Variants in KALRN observed in about 807,000 individuals in gnomAD.
KALRN encodes the protein kalirin.
In KALRN, 70 loss-of-function variants were observed where a neutral mutation model predicts 353.7. The ratio of observed to expected loss-of-function variants is 0.20; its 90% CI spans 0.16 to 0.24. The LOEUF is 0.24. KALRN is among the 10% of genes least tolerant of loss of function. The probability of loss-of-function intolerance (pLI) is 1.00; values close to 1 mark genes in which losing one functional copy is unlikely to be tolerated. For synonymous variants in KALRN, 1,391 were observed against 1,434.8 expected (o/e 0.97, Z 0.69); for missense variants, 2,791 against 3,756.7 (o/e 0.74, Z 6.72).
At position 124,623,164 on chromosome 3, in the gene KALRN, G is replaced by A. The variant is rs139994310; in HGVS notation, c.5183-9256G>A. ...TCTTTCCTTTTCTTTTCTTTGCTTTGCTTTTTTCTTTCATTCTGCTATGTT... is the reference window on the plus strand; with the variant it reads ...TCTTTCCTTTTCTTTTCTTTGCTTTACTTTTTTCTTTCATTCTGCTATGTT... On this transcript the variant is annotated intron_variant, in intron 34 of 59. Transcript: ENST00000682506. Among the ~76,000 whole-genome samples, 639 of 130,952 alleles carry A rather than the reference G, an allele frequency of 4.9e-3. 3 individuals are homozygous for A. The highest frequency in any genetic ancestry group is 0.017 in the African/African-American group (608 of 35,024). The allele number at this position is 130,952 out of a possible 152,430, so 85.9% of individuals were successfully genotyped here. A position where few individuals can be genotyped will look rare whatever the true frequency, so the allele number is the denominator to read the frequency against.
Position 124,458,688 on chromosome 3 carries a change from G to A in KALRN, c.3854+1960G>A, listed in dbSNP as rs541891104. Among the ~76,000 whole-genome samples the A allele has an allele frequency of 5.3e-5, 8 of 152,316 alleles. No homozygotes were observed. The South Asian group carries it at 1.7e-3, about 32-fold the overall frequency. On this transcript the variant is annotated intron_variant, in intron 23 of 59. Transcript: ENST00000682506. ...CAGTGGCTCATGCCTGTAACTTTGG[G>A]GGGCTGAGGTGGGCAGATCACCTTG...
intron 10 of KALRN, among the ~76,000 whole-genome samples, chr3:124,349,640 G>T (rs868154079): frequency 6.6e-6 from 1 of 151,966 alleles, no homozygotes; most frequent in African/African-American, 2.4e-5. Flanking sequence ...ACAACACTGT[G>T]AATGTACTTA....
intron 15 of KALRN, 30 bp downstream of exon 15, chr3:124,423,008 G>A: frequency 1.9e-6 from 3 of 1,606,838 alleles, no homozygotes; most frequent in Non-Finnish European, 2.6e-6. Flanking sequence ...CTTCAGCCTG[G>A]GTTTCTCAGC....
intron 10 of KALRN, among the ~76,000 whole-genome samples, chr3:124,350,211 C>G (rs570495108): frequency 6.6e-6 from 1 of 152,276 alleles, no homozygotes; most frequent in South Asian, 2.1e-4. Flanking sequence ...CCCATTTTTC[C>G]CAACTGTTCC....
At chr3:124,172,492 G>A (rs911457685) in intron 1 of KALRN, among the ~76,000 whole-genome samples, 1 of 152,162 alleles carries the variant, frequency 6.6e-6, no homozygotes, top group African/African-American at 2.4e-5. Context: ...TAGGACATGG[G>A]TGTAAGATTT....
chr3:124,059,215 C>T (rs371884505), intron 1 of KALRN, among the ~76,000 whole-genome samples: 15 of 152,148 alleles, frequency 9.9e-5, no homozygotes, highest in African/African-American at 3.6e-4. Flanking sequence ...TTAATAAGTA[C>T]TAATGTTCTA....
chr3:124,105,541 G>C (rs2062222963), intron 1 of KALRN, among the ~76,000 whole-genome samples: 1 of 152,124 alleles, frequency 6.6e-6, no homozygotes, highest in Non-Finnish European at 1.5e-5. Context: ...ATTCCTTAAG[G>C]GTAGGAGGAG....
intron 13 of KALRN, among the ~76,000 whole-genome samples, chr3:124,409,497 GGT>G (rs1267015862): frequency 6.6e-6 from 1 of 152,174 alleles, no homozygotes; most frequent in Non-Finnish European, 1.5e-5. Flanking sequence ...TCTGAAGGGT[GGT>G]CAGGGCTTAA....
intron 34 of KALRN, among the ~76,000 whole-genome samples, chr3:124,577,835 G>A (rs2074262720): frequency 2.0e-5 from 3 of 151,482 alleles, no homozygotes; most frequent in African/African-American, 7.3e-5. Flanking sequence ...ACTTCAGCCT[G>A]GATGACAGAG....
At chr3:124,244,983 T>A (rs1167277643) in intron 3 of KALRN, among the ~76,000 whole-genome samples, 1 of 152,200 alleles carries the variant, frequency 6.6e-6, no homozygotes, top group Non-Finnish European at 1.5e-5. Flanking sequence ...ATTTATCATT[T>A]TTTTTGTTGG....
At chr3:124,133,651 A>G (rs572816722) in intron 1 of KALRN, among the ~76,000 whole-genome samples, 60 of 152,302 alleles carry the variant, frequency 3.9e-4, no homozygotes, top group African/African-American at 1.4e-3. Flanking sequence ...CAAGTCCCCT[A>G]TCGTTCACAT....
intron 38 of KALRN, among the ~76,000 whole-genome samples, chr3:124,651,868 G>A (rs1185214702): frequency 6.6e-6 from 1 of 151,982 alleles, no homozygotes; most frequent in East Asian, 1.9e-4. Flanking sequence ...GGACTCCTAG[G>A]CTCAAGTAAT....
chr3:124,391,820 A>T (rs1482040446), intron 11 of KALRN, among the ~76,000 whole-genome samples: 1 of 152,128 alleles, frequency 6.6e-6, no homozygotes, highest in Non-Finnish European at 1.5e-5. Context: ...CTCTCTTTAC[A>T]TCTATTTTTC....
intron 1 of KALRN, chr3:124,162,996 C>T (rs1459128541): frequency 2.6e-5 from 4 of 152,254 alleles, no homozygotes; most frequent in Admixed American, 1.3e-4. Context: ...GCAGCATCCT[C>T]ACCAGGACCA....
intron 2 of KALRN, among the ~76,000 whole-genome samples, 187 bp from the exon 3 acceptor site, chr3:124,234,642 G>T (rs2079541164): frequency 6.6e-6 from 1 of 152,132 alleles, no homozygotes; most frequent in South Asian, 2.1e-4. Context: ...GAAGCCAAAA[G>T]ACTTGCCCAC....
At chr3:124,220,133 C>T (rs996630518) in intron 1 of KALRN, among the ~76,000 whole-genome samples, 5 of 151,998 alleles carry the variant, frequency 3.3e-5, no homozygotes, top group African/African-American at 1.2e-4. Context: ...TTAGTAGAGA[C>T]AGGGTTTCAT....
At chr3:124,082,161 G>A (rs900652837) in intron 1 of KALRN, 6 of 428,348 alleles carry the variant, frequency 1.4e-5, no homozygotes, top group African/African-American at 4.1e-5. Flanking sequence ...ATGGCTTCCC[G>A]GGCTGGGGTT....
intron 10 of KALRN, among the ~76,000 whole-genome samples, chr3:124,364,819 G>A (rs975561782): frequency 3.3e-5 from 5 of 152,154 alleles, no homozygotes; most frequent in African/African-American, 1.2e-4. Flanking sequence ...CTCTCAAACC[G>A]TGCTTCTCTG....
At chr3:124,604,057 C>T (rs2077070489) in intron 34 of KALRN, among the ~76,000 whole-genome samples, 1 of 151,982 alleles carries the variant, frequency 6.6e-6, no homozygotes, top group Admixed American at 6.5e-5. Context: ...TTCTCTGAAA[C>T]AGTTGGGGTG....
Sources: gnomAD v4.1 joint callset for allele counts (sites outside exome capture counted in the v4.1 genomes callset) on GRCh38, gnomAD v4.1.1 for gene constraint, MANE v1.5 for transcripts, NCBI Gene and HGNC (gene_info 2026-07-23, HGNC 2026-07-21) for gene names.